The following TMCO4 variants were observed in gnomAD, a reference collection of about 807,000 sequenced individuals.
TMCO4 encodes transmembrane and coiled-coil domains 4.
In TMCO4, 58 loss-of-function variants were observed where a neutral mutation model predicts 64.7. The observed-to-expected ratio is 0.90, with a 90% CI of 0.73 to 1.12. TMCO4 has a LOEUF of 1.12. Ranked by LOEUF, TMCO4 falls within the 50% of genes most tolerant of loss-of-function variation. The probability of loss-of-function intolerance (pLI) is 0.00; values close to 1 mark genes in which losing one functional copy is unlikely to be tolerated. For synonymous variants in TMCO4, 325 were observed against 346.1 expected (o/e 0.94, Z 0.68); for missense variants, 780 against 825.9 (o/e 0.94, Z 0.68).
chr1:19,691,972 C>T (rs1005774137), intron 15 of TMCO4, among the ~76,000 whole-genome samples: 9 of 152,284 alleles, frequency 5.9e-5, no homozygotes, highest in Middle Eastern at 3.4e-3. Flanking sequence ...CCATGTAAGA[C>T]GTGCCTTTCA....
chr1:19,735,164 T>C (rs1178723087), intron 13 of TMCO4, among the ~76,000 whole-genome samples: 1 of 152,140 alleles, frequency 6.6e-6, no homozygotes, highest in East Asian at 1.9e-4. Context: ...TACACAACAC[T>C]CACCACAGTT....
At chr1:19,740,664 G>A in intron 11 of TMCO4, 113 bp downstream of exon 11, 2 of 1,221,402 alleles carry the variant, frequency 1.6e-6, no homozygotes, top group Non-Finnish European at 1.1e-6. Flanking sequence ...GTGTTCCTAG[G>A]GTCCAGCACG....
Position 19,767,323 on chromosome 1 carries a change from T to G in TMCO4, c.382+3219A>C, listed in dbSNP as rs551831033. Among the ~76,000 whole-genome samples, 67 of 152,308 alleles carry G rather than the reference T, an allele frequency of 4.4e-4. 1 individual carries two copies. The highest frequency in any genetic ancestry group is 1.6e-3 in the African/African-American group (66 of 41,562). On this transcript the variant is annotated intron_variant, in intron 6 of 15. Transcript: ENST00000294543. ...AAGAGCCAGGTAAGGTCACCAGCAT[T>G]TAACGAGTGCTGAATAAGTGGTAGT...
intron 13 of TMCO4, among the ~76,000 whole-genome samples, chr1:19,728,925 T>C (rs1460006618): frequency 6.6e-6 from 1 of 152,168 alleles, no homozygotes. Flanking sequence ...GAGGATTAAT[T>C]ACAGAGGCCA....
intron 13 of TMCO4, among the ~76,000 whole-genome samples, chr1:19,724,918 T>C (rs1375471184): frequency 6.6e-6 from 1 of 152,032 alleles, no homozygotes; most frequent in Non-Finnish European, 1.5e-5. Context: ...CACACCACAA[T>C]ACCCAGCTAA....
At position 19,735,111 on chromosome 1, in the gene TMCO4, T is replaced by C. The variant is rs115749550; in HGVS notation, c.1264+2261A>G. On this transcript the variant is annotated intron_variant, in intron 13 of 15. Transcript: ENST00000294543. ...CTGCCTACCTGGACTTCACATCTAA[T>C]GTGAGGCTGGAGAGCGGACACAAAA... Among the ~76,000 whole-genome samples the C allele has an allele frequency of 2.8e-3, 426 of 152,216 alleles. 4 individuals are homozygous for C. The highest frequency in any genetic ancestry group is 8.8e-3 in the African/African-American group (367 of 41,536).
intron 13 of TMCO4, among the ~76,000 whole-genome samples, chr1:19,707,109 C>T (rs2095306771): frequency 1.3e-5 from 2 of 152,210 alleles, no homozygotes; most frequent in Non-Finnish European, 2.9e-5. Context: ...CCCTGCCTGA[C>T]CTTCCCTTCA....
chr1:19,692,081 AG>A (rs1442897705), intron 15 of TMCO4, among the ~76,000 whole-genome samples: 3 of 152,198 alleles, frequency 2.0e-5, no homozygotes, highest in African/African-American at 7.2e-5. Flanking sequence ...TGTCTTTATC[AG>A]CAGCGTGAAA....
At chr1:19,687,034 C>G (rs1487912435) in intron 15 of TMCO4, among the ~76,000 whole-genome samples, 5 of 152,004 alleles carry the variant, frequency 3.3e-5, no homozygotes, top group Admixed American at 1.3e-4. Flanking sequence ...TTACTGCAAC[C>G]TCTGCCTTCC....
intron 2 of TMCO4, among the ~76,000 whole-genome samples, chr1:19,795,948 T>G (rs1025975884): frequency 6.6e-6 from 1 of 152,200 alleles, no homozygotes; most frequent in Non-Finnish European, 1.5e-5. Context: ...TGCTTCCAGC[T>G]CATCCTCAGC....
chr1:19,780,513 G>A (rs1349155476), intron 4 of TMCO4, 67 bp downstream of exon 4: 22 of 1,514,684 alleles, frequency 1.5e-5, no homozygotes, highest in Admixed American at 2.2e-5. Context: ...CTGGCAGGCT[G>A]TTTGGCTGTC....
intron 13 of TMCO4, among the ~76,000 whole-genome samples, chr1:19,714,334 G>T (rs1397808770): frequency 1.3e-5 from 2 of 151,966 alleles, no homozygotes; most frequent in Non-Finnish European, 2.9e-5. Context: ...AGTTACATTT[G>T]ATTTATTTTC....
intron 13 of TMCO4, among the ~76,000 whole-genome samples, chr1:19,730,885 T>C (rs1259970355): frequency 2.0e-5 from 3 of 152,208 alleles, no homozygotes; most frequent in Non-Finnish European, 4.4e-5. Context: ...AAACAATTAG[T>C]GGATTCAAAT....
At chr1:19,713,642 T>G (rs1275173298) in intron 13 of TMCO4, among the ~76,000 whole-genome samples, 1 of 152,062 alleles carries the variant, frequency 6.6e-6, no homozygotes, top group African/African-American at 2.4e-5. Flanking sequence ...AAGGCTGTAG[T>G]GAGCTATGGT....
rs138064766 is a variant in TMCO4 at position 19,734,099 on chromosome 1, C to T, written c.1264+3273G>A. ...TATTATTGGAGGGAAAGCTTCCAGA[C>T]ACAGTGAGACCTGAGAAATGAGTAG... On this transcript the variant is annotated intron_variant, in intron 13 of 15. Transcript: ENST00000294543. The surrounding 1 kb of genome is among the most constrained non-coding windows in gnomAD (Gnocchi z 4.4). Among the ~76,000 whole-genome samples, 213 of 152,210 alleles carry T rather than the reference C, an allele frequency of 1.4e-3. No homozygotes were observed. Among genetic ancestry groups the T allele is most frequent in the Middle Eastern group, 3.4e-3 (1 of 294 alleles).
intron 10 of TMCO4, among the ~76,000 whole-genome samples, chr1:19,741,837 A>G (rs893071411): frequency 4.0e-5 from 6 of 151,258 alleles, no homozygotes; most frequent in African/African-American, 1.2e-4. Flanking sequence ...CCCAGGTTCA[A>G]GTGATTCTCC....
rs180968073 is a variant in TMCO4, at chr1:19,743,442, T to C, written c.877+2090A>G. 6.6e-6 allele frequency among the ~76,000 whole-genome samples: 1 copy of C among 152,242 alleles called. No individual in the cohort carries two copies. Among genetic ancestry groups the C allele is most frequent in the African/African-American group, 2.4e-5 (1 of 41,464 alleles). ...CAGGTGATGATAAGGCTTCTTTTCC[T>C]GGCTCTCGAGGAGGTAGGAATATGT... is the stretch of plus-strand genomic sequence containing the variant. On this transcript the variant is annotated intron_variant, in intron 10 of 15. Transcript: ENST00000294543. The surrounding 1 kb of genome is among the most constrained non-coding windows in gnomAD (Gnocchi z 4.1).
rs1473075452 is a variant in TMCO4 at position 19,773,604 on chromosome 1, T to C, written c.180-2122A>G. Among the ~76,000 whole-genome samples the C allele has an allele frequency of 4.0e-5, 6 of 151,698 alleles. No homozygotes were observed. In the South Asian group the frequency reaches 1.0e-3, roughly 26 times the overall value. On this transcript the variant is annotated intron_variant, in intron 4 of 15. Coordinates refer to ENST00000294543, the MANE Select transcript of TMCO4 (RefSeq NM_181719.7). ...TGGCAGCCTTGCCAGCAGCTGGGGG[T>C]GAAAGGCCTTCATTCTTGAAGAGGA... is the stretch of plus-strand genomic sequence containing the variant.
intron 13 of TMCO4, among the ~76,000 whole-genome samples, chr1:19,702,756 C>G (rs1448560759): frequency 1.3e-5 from 2 of 152,210 alleles, no homozygotes; most frequent in Non-Finnish European, 2.9e-5. Context: ...AGAGGCAGAC[C>G]TTGTCTCAAA....
Sources: allele counts gnomAD v4.1 joint callset (sites outside exome capture counted in the v4.1 genomes callset), GRCh38; gene constraint gnomAD v4.1.1; non-coding constraint Gnocchi (gnomAD v3.1); transcripts MANE v1.5; gene names NCBI Gene and HGNC (gene_info 2026-07-23, HGNC 2026-07-21).